The following PPARGC1A variants were observed in gnomAD, a reference collection of about 807,000 sequenced individuals.
PPARGC1A encodes PPARG coactivator 1 alpha, also known as peroxisome proliferator-activated receptor gamma coactivator 1-alpha.
PPARGC1A carries 25 observed loss-of-function variants against 88.7 expected under a neutral mutation model. The ratio of observed to expected loss-of-function variants is 0.28; its 90% CI spans 0.21 to 0.39. The LOEUF is 0.39. PPARGC1A is among the 10% of genes least tolerant of loss of function. The pLI is 1.00. For synonymous variants in PPARGC1A, 363 were observed against 355.6 expected (o/e 1.02, Z -0.24); for missense variants, 880 against 968.7 (o/e 0.91, Z 1.22).
the PPARGC1A span, among the ~76,000 whole-genome samples, chr4:24,299,879 G>A: frequency 6.6e-6 from 1 of 152,174 alleles, no homozygotes; most frequent in Non-Finnish European, 1.5e-5. Context: ...ATGTTCGTAT[G>A]TATATTCATT....
chr4:23,998,725 T>C, the PPARGC1A span, among the ~76,000 whole-genome samples: 15 of 152,338 alleles, frequency 9.8e-5, 1 homozygote, highest in East Asian at 1.5e-3. Flanking sequence ...AAAATATGTA[T>C]GGCTTTATTG....
chr4:24,002,429 C>T, the PPARGC1A span, among the ~76,000 whole-genome samples: 2 of 152,076 alleles, frequency 1.3e-5, no homozygotes, highest in East Asian at 3.9e-4. Context: ...CCCAGCCACA[C>T]CTCTCTATGC....
chr4:24,161,561 T>G, the PPARGC1A span, among the ~76,000 whole-genome samples: 1 of 152,080 alleles, frequency 6.6e-6, no homozygotes, highest in Non-Finnish European at 1.5e-5. Flanking sequence ...GGGGTTGTCA[T>G]GAGATACTAT....
chr4:23,963,807 G>A, the PPARGC1A span, among the ~76,000 whole-genome samples: 1 of 152,254 alleles, frequency 6.6e-6, no homozygotes, highest in Non-Finnish European at 1.5e-5. Flanking sequence ...CTGGAAAGCT[G>A]GCCAAAGGAA....
At chr4:24,454,263 A>C in the PPARGC1A span, among the ~76,000 whole-genome samples, 1 of 151,212 alleles carries the variant, frequency 6.6e-6, no homozygotes, top group Non-Finnish European at 1.5e-5. Flanking sequence ...GACCCATATA[A>C]TTGTGCACTT....
the PPARGC1A span, among the ~76,000 whole-genome samples, chr4:24,291,309 C>A: frequency 2.0e-5 from 3 of 152,322 alleles, no homozygotes; most frequent in South Asian, 6.2e-4. Flanking sequence ...AGCTTCTTCC[C>A]ACCATGTCCC....
At chr4:23,887,762 G>GA (rs903558529) in intron 1 of PPARGC1A, among the ~76,000 whole-genome samples, 8 of 152,104 alleles carry the variant, frequency 5.3e-5, no homozygotes, top group African/African-American at 1.9e-4. Flanking sequence ...AAGAGAGAGA[G>GA]AGAAGAAGGA....
the PPARGC1A span, among the ~76,000 whole-genome samples, chr4:24,247,559 C>T: frequency 2.6e-5 from 4 of 152,254 alleles, no homozygotes; most frequent in Admixed American, 6.5e-5. Context: ...GCATAATTTA[C>T]GCCAAAGAGA....
the PPARGC1A span, among the ~76,000 whole-genome samples, chr4:24,425,764 T>C: frequency 6.6e-6 from 1 of 152,234 alleles, no homozygotes; most frequent in Non-Finnish European, 1.5e-5. Context: ...AAATCATTCA[T>C]ATCACTTCTG....
chr4:24,458,423 C>G, the PPARGC1A span, among the ~76,000 whole-genome samples: 13 of 152,300 alleles, frequency 8.5e-5, no homozygotes, highest in South Asian at 2.1e-4. Flanking sequence ...ATGGCTTTAG[C>G]CCAGGAGGCA....
upstream of PPARGC1A, among the ~76,000 whole-genome samples, chr4:23,901,475 T>G (rs1577703396): frequency 7.7e-6 from 1 of 130,142 alleles, no homozygotes; most frequent in African/African-American, 3.0e-5. Flanking sequence ...ATGCAGGAGG[T>G]GGAGGTTGCA....
the PPARGC1A span, among the ~76,000 whole-genome samples, chr4:24,325,091 T>G: frequency 6.6e-6 from 1 of 152,182 alleles, no homozygotes; most frequent in South Asian, 2.1e-4. Flanking sequence ...ATGCTCCTTT[T>G]CCTTTATCCC....
the PPARGC1A span, among the ~76,000 whole-genome samples, chr4:24,253,441 A>T: frequency 6.6e-6 from 1 of 152,246 alleles, no homozygotes; most frequent in Non-Finnish European, 1.5e-5. Context: ...AGATATAGTA[A>T]ATGTGGCAAA....
chr4:24,227,173 C>A, the PPARGC1A span, among the ~76,000 whole-genome samples: 8 of 152,158 alleles, frequency 5.3e-5, no homozygotes, highest in African/African-American at 1.9e-4. Flanking sequence ...CAACCTCTGC[C>A]TCCCAGGTTC....
At chr4:24,115,650 T>A in the PPARGC1A span, among the ~76,000 whole-genome samples, 20 of 152,264 alleles carry the variant, frequency 1.3e-4, no homozygotes, top group Non-Finnish European at 2.9e-5. Flanking sequence ...CCCAGTAAAA[T>A]GAGAACTCCA....
the PPARGC1A span, among the ~76,000 whole-genome samples, chr4:24,311,760 C>A: frequency 6.6e-6 from 1 of 151,422 alleles, no homozygotes; most frequent in Non-Finnish European, 1.5e-5. Flanking sequence ...GCAAACTGAA[C>A]AGAGAAAAAG....
the PPARGC1A span, among the ~76,000 whole-genome samples, chr4:23,976,776 G>A: frequency 2.6e-5 from 4 of 152,192 alleles, no homozygotes; most frequent in African/African-American, 9.7e-5. Flanking sequence ...GGCCTCATGA[G>A]AAGCCCACCC....
chr4:23,920,644 C>G, the PPARGC1A span, among the ~76,000 whole-genome samples: 5 of 152,306 alleles, frequency 3.3e-5, no homozygotes, highest in Non-Finnish European at 2.9e-5. Flanking sequence ...ATGAGAAACC[C>G]TGTCTTTTCT....
At chr4:23,969,477 C>A in the PPARGC1A span, among the ~76,000 whole-genome samples, 1 of 152,162 alleles carries the variant, frequency 6.6e-6, no homozygotes, top group Admixed American at 6.5e-5. Flanking sequence ...AAACATGTAG[C>A]AATTTCTTTT....
Sources: allele counts gnomAD v4.1 joint callset (sites outside exome capture counted in the v4.1 genomes callset), GRCh38; gene constraint gnomAD v4.1.1; transcripts MANE v1.5; gene names NCBI Gene and HGNC (gene_info 2026-07-23, HGNC 2026-07-21).